The following SQLE variants were observed in gnomAD, a reference collection of about 807,000 sequenced individuals.
The protein encoded by SQLE is squalene epoxidase.
Under a neutral mutation model 60.7 loss-of-function variants are expected in SQLE, and 29 were observed. That is an observed-to-expected ratio of 0.48 (90% CI 0.36 to 0.65). The LOEUF (loss-of-function observed/expected upper bound fraction) is 0.65. Ranked by LOEUF, SQLE falls within the 30% of genes least tolerant of loss-of-function variation. The pLI, the probability that SQLE is intolerant of heterozygous loss-of-function variation, is 0.00. For missense variants in SQLE, 605 were observed against 684.1 expected (o/e 0.88, Z 1.29); for synonymous variants, 237 against 246.8 (o/e 0.96, Z 0.37).
rs1814969751 is a variant in SQLE at position 125,007,408 on chromosome 8, G to A, written c.743G>A (p.Gly248Asp). ...TTCTTTAGTGCAAAGTTTATTGAAG[G>A]TGTTGTGTTACAGTTATTAGAGGAA... ...MAEPNAKFIE[G>D]VVLQLLEEDD... is the part of the protein sequence containing the mutation. The change falls in exon 4 of 11, where the codon GGT (glycine) becomes GAT (aspartate). Residue 248 changes from glycine (G) to aspartate (D), a missense_variant. Physicochemically the swap from Gly to Asp is moderately conservative, Grantham distance 94. Transcript: ENST00000265896. 6.4e-7 allele frequency: 1 copy of A among 1,552,466 alleles called. No individual in the cohort carries two copies. Among genetic ancestry groups the A allele is most frequent in the Non-Finnish European group, 8.7e-7 (1 of 1,147,244 alleles).
chr8:125,005,374 A>G, intron 2 of SQLE, 151 bp from the exon 3 acceptor site: 2 of 565,250 alleles, frequency 3.5e-6, no homozygotes, highest in Non-Finnish European at 5.7e-6. Context: ...AGAAGCATTC[A>G]CAGTTTCTGA....
chr8:125,018,211 A>G lies in SQLE; in HGVS notation c.1347+10A>G. 1 of 1,607,536 alleles carries G rather than the reference A, an allele frequency of 6.2e-7. No individual in the cohort carries two copies. Among genetic ancestry groups the G allele is most frequent in the Non-Finnish European group, 8.5e-7 (1 of 1,178,028 alleles). On this transcript the variant is annotated intron_variant, in intron 8 of 10. Coordinates refer to ENST00000265896, the MANE Select transcript of SQLE (RefSeq NM_003129.4). ...TGCAGCTATTTTCGAGGTAAGATCA[A>G]TTATTTTGACAAAAATGTCTCAAAA...
chr8:125,000,182 T>A (rs896012669), intron 1 of SQLE: 4 of 387,508 alleles, frequency 1.0e-5, no homozygotes, highest in Non-Finnish European at 2.0e-5. Context: ...GGCTCAAAGT[T>A]CTCCTCCCCC....
intron 9 of SQLE, 67 bp downstream of exon 9, chr8:125,018,794 C>G (rs1162810983): frequency 9.6e-7 from 1 of 1,043,088 alleles, no homozygotes; most frequent in African/African-American, 1.7e-5. Flanking sequence ...AAGGAATAAA[C>G]AAGTTAGTGA....
intron 1 of SQLE, chr8:124,999,994 T>A: frequency 1.8e-6 from 1 of 561,628 alleles, no homozygotes; most frequent in South Asian, 1.5e-5. Context: ...ACAACCACTT[T>A]CCATGATGAA....
chr8:124,999,353 C>T lies in SQLE; in HGVS notation c.-51C>T. ...TTTTGGGGAGAACCTTAAACCCACT[C>T]GAGCAGATAATCTCCGCCTTGACCG... is the stretch of plus-strand genomic sequence containing the variant. On this transcript the variant is annotated 5_prime_UTR_variant, in exon 1 of 11. Transcript: ENST00000265896. 2 of 1,467,698 alleles carry T rather than the reference C, an allele frequency of 1.4e-6. No homozygotes were observed. Among genetic ancestry groups the T allele is most frequent in the Middle Eastern group, 1.8e-4 (1 of 5,468 alleles). 90.9% of individuals were successfully genotyped at this position (1,467,698 alleles called of 1,614,324 possible).
Position 124,999,648 on chromosome 8 carries a change from A to C in SQLE, c.245A>C (p.Lys82Thr). ...GLPFIGFFWA[K>T]SPPESENKEQ... ...CCTTTCATTGGCTTCTTCTGGGCCA[A>C]ATCCCCCCCTGAATCAGAAAATAAG... Residue 82 changes from lysine to threonine, a missense_variant, in exon 1 of 11, where the codon AAA (lysine) becomes ACA (threonine). Coordinates refer to ENST00000265896, the MANE Select transcript of SQLE (RefSeq NM_003129.4). 2.5e-6 allele frequency: 4 copies of C among 1,610,184 alleles called. No individual in the cohort carries two copies. The Admixed American group carries it at 5.1e-5, about 20-fold the overall frequency.
At position 125,021,960 on chromosome 8, in the gene SQLE, C is replaced by A. The variant is rs537467860; in HGVS notation, c.*15C>A. 1 of 1,560,854 alleles carries A rather than the reference C, an allele frequency of 6.4e-7. No homozygotes were observed. The highest frequency in any genetic ancestry group is 1.9e-5 in the Admixed American group (1 of 53,418). ...TGGTTCATTAAGCTTAAAGGGGAAC[C>A]ATTTGTGAATGAATATTTGGAACTT... On this transcript the variant is annotated 3_prime_UTR_variant, in exon 11 of 11. Transcript: ENST00000265896.
chr8:125,020,955 C>G, intron 10 of SQLE, 84 bp downstream of exon 10: 1 of 899,364 alleles, frequency 1.1e-6, no homozygotes, highest in East Asian at 2.6e-5. Flanking sequence ...AATCTTTCTT[C>G]CTTACACATT....
rs1563600137 is a variant in SQLE at position 125,018,040 on chromosome 8, T to TC, written c.1205-18dup. ...CAAGGGATGCTCTAAAATAAAATCTTCATTACCTCTCTTCATAGGTGTTCT... is the reference window on the plus strand; with the variant it reads ...CAAGGGATGCTCTAAAATAAAATCTTCCATTACCTCTCTTCATAGGTGTTCT... On this transcript the variant is annotated intron_variant, in intron 7 of 10. Transcript: ENST00000265896. The TC allele has an allele frequency of 3.7e-6, 6 of 1,610,486 alleles. No homozygotes were observed. Among genetic ancestry groups the TC allele is most frequent in the Non-Finnish European group, 5.1e-6 (6 of 1,179,134 alleles).
chr8:124,998,544 G>C lies in SQLE; in HGVS notation c.-860G>C, dbSNP rs1022115375. The C allele has an allele frequency of 3.0e-6, 2 of 674,908 alleles. No homozygotes were observed. Among genetic ancestry groups the C allele is most frequent in the South Asian group, 1.5e-5 (1 of 65,084 alleles). The allele number at this position is 674,908 out of a possible 1,614,324, so 41.8% of individuals were successfully genotyped here. ...CTGGCGGCGAGTGGGGGCGTGCGAC[G>C]GTTACTCTGGTTACTGGGGCCGCGC... On this transcript the variant is annotated 5_prime_UTR_variant, in exon 1 of 11. Coordinates refer to ENST00000265896, the MANE Select transcript of SQLE (RefSeq NM_003129.4).
intron 7 of SQLE, among the ~76,000 whole-genome samples, chr8:125,014,415 T>G (rs1815081223): frequency 1.3e-5 from 2 of 152,176 alleles, no homozygotes; most frequent in Non-Finnish European, 2.9e-5. Context: ...TTCATTTCAT[T>G]TATTTTGGCT....
chr8:125,013,356 C>CTTTTTCTTTTTTTTTT (rs71576761), intron 7 of SQLE, among the ~76,000 whole-genome samples: 31 of 136,436 alleles, frequency 2.3e-4, no homozygotes, highest in African/African-American at 8.2e-4. Context: ...TTTTCTTTTT[C>CTTTTTCTTTTTTTTTT]TTTTTTTTTT....
Position 125,009,323 on chromosome 8 carries a change from A to C in SQLE, c.1088A>C (p.Lys363Thr). 1.2e-6 allele frequency: 2 copies of C among 1,612,122 alleles called. No homozygotes were observed. Among genetic ancestry groups the C allele is most frequent in the African/African-American group, 2.7e-5 (2 of 75,000 alleles). ...AATTTAAGAGAATACATGGTTGAAA[A>C]AATTTACCCACAAATACCTGGTAAG... ...PRNLREYMVE[K>T]IYPQIPDHLK... The change falls in exon 6 of 11, where the codon AAA (lysine) becomes ACA (threonine). Residue 363 changes from lysine to threonine, a missense_variant. Transcript: ENST00000265896.
chr8:125,015,190 C>G (rs193265423), intron 7 of SQLE, among the ~76,000 whole-genome samples: 105 of 152,262 alleles, frequency 6.9e-4, no homozygotes, highest in African/African-American at 2.5e-3. Flanking sequence ...GTCTTGAAAT[C>G]TATTTTACTG....
rs1027618570 is a variant in SQLE, at chr8:124,998,668, A to G, written c.-736A>G. On this transcript the variant is annotated 5_prime_UTR_variant, in exon 1 of 11. Transcript: ENST00000265896. ...GGAGGTACCCTGGAAACCACCTTTT[A>G]TCGGTGGGGAAGTGCAGTCGCGGTG... is the stretch of plus-strand genomic sequence containing the variant. The G allele has an allele frequency of 7.9e-5, 52 of 659,646 alleles. No homozygotes were observed. The highest frequency in any genetic ancestry group is 2.4e-4 in the Middle Eastern group (1 of 4,194). 40.9% of individuals were successfully genotyped at this position (659,646 alleles called of 1,614,324 possible).
At chr8:125,020,642 C>T in intron 9 of SQLE, 142 bp from the exon 10 acceptor site, 1 of 579,166 alleles carries the variant, frequency 1.7e-6, no homozygotes, top group Non-Finnish European at 3.1e-6. Flanking sequence ...AGAAGAAATC[C>T]TGGTTGTTGA....
intron 1 of SQLE, chr8:124,999,988 C>G (rs1351458649): frequency 3.5e-6 from 2 of 576,918 alleles, no homozygotes; most frequent in Non-Finnish European, 6.5e-6. Flanking sequence ...AGAAGAACAA[C>G]CACTTTCCAT....
intron 8 of SQLE, 123 bp downstream of exon 8, chr8:125,018,324 C>A: frequency 2.0e-6 from 2 of 1,012,038 alleles, no homozygotes; most frequent in South Asian, 1.7e-5. Context: ...AGCTCTTAGG[C>A]ATCTTGCTTA....
Sources: allele counts gnomAD v4.1 joint callset (sites outside exome capture counted in the v4.1 genomes callset), GRCh38; gene constraint gnomAD v4.1.1; transcripts MANE v1.5; gene names NCBI Gene and HGNC (gene_info 2026-07-23, HGNC 2026-07-21).